HMGN5: variants seen among roughly 807,000 people sequenced by gnomAD.
The protein encoded by HMGN5 is high mobility group nucleosome binding domain 5.
A neutral mutation model predicts 9.5 loss-of-function variants in HMGN5; 4 were observed. The ratio of observed to expected loss-of-function variants is 0.42; its 90% CI spans 0.21 to 0.96. The LOEUF (loss-of-function observed/expected upper bound fraction) is 0.96, where lower values mean the gene tolerates loss of function less well. HMGN5 is among the 40% of genes least tolerant of loss of function. The pLI, the probability that HMGN5 is intolerant of heterozygous loss-of-function variation, is 0.30. For synonymous variants in HMGN5, 55 were observed against 57.1 expected (o/e 0.96, Z 0.16); for missense variants, 192 against 187.5 (o/e 1.02, Z -0.14).
intron 1 of HMGN5, among the ~76,000 whole-genome samples, chrX:81,126,631 T>C (rs758773094): frequency 6.3e-5 from 7 of 111,697 alleles, no homozygotes; most frequent in Non-Finnish European, 9.4e-5. Flanking sequence ...TAAATGTTAT[T>C]TGAAGATTTC....
chrX:81,191,436 G>C (rs1464337712), intron 1 of HMGN5, among the ~76,000 whole-genome samples: 1 of 111,683 alleles, frequency 9.0e-6, no homozygotes, highest in Non-Finnish European at 1.9e-5. Context: ...AGATTAAAGA[G>C]GCTCTTTTTA....
At chrX:81,125,088 T>TTA (rs199775558) in intron 1 of HMGN5, among the ~76,000 whole-genome samples, 5,886 of 108,359 alleles carry the variant, frequency 0.054, 190 homozygotes, top group South Asian at 0.19. Flanking sequence ...TAGTTTAAAA[T>TTA]TATATATATA....
chrX:81,162,599 C>T (rs2075400433), intron 1 of HMGN5, among the ~76,000 whole-genome samples: 1 of 111,360 alleles, frequency 9.0e-6, no homozygotes, highest in Non-Finnish European at 1.9e-5. Context: ...CATGAGAGGG[C>T]CTATGGCAAT....
At chrX:81,173,058 T>C (rs953576186) in intron 1 of HMGN5, among the ~76,000 whole-genome samples, 17 of 111,418 alleles carry the variant, frequency 1.5e-4, no homozygotes, top group Admixed American at 1.1e-3. Flanking sequence ...TGTGTATGCA[T>C]ATATACAAAA....
At chrX:81,173,960 C>G (rs1288370853) in intron 1 of HMGN5, among the ~76,000 whole-genome samples, 1 of 111,201 alleles carries the variant, frequency 9.0e-6, no homozygotes, top group African/African-American at 3.3e-5. Flanking sequence ...ATGATGTGAA[C>G]TCCTGGAGAT....
intron 1 of HMGN5, among the ~76,000 whole-genome samples, chrX:81,168,888 A>G (rs2075418117): frequency 9.0e-6 from 1 of 111,491 alleles, no homozygotes; most frequent in African/African-American, 3.3e-5. Context: ...GGAAAAGTTT[A>G]CAGTTGACTA....
At position 81,128,287 on chromosome X, in the gene HMGN5, T is replaced by C. The variant is rs549430106; in HGVS notation, c.-123-6615A>G. Among the ~76,000 whole-genome samples, 47 of 111,455 alleles carry C rather than the reference T, an allele frequency of 4.2e-4. No individual in the cohort carries two copies. The South Asian group carries it at 0.017, about 41-fold the overall frequency. ...TGAAATGAGTAACAATTCAAGCAAA[T>C]GGACATGCTCAATTCTCACAAATTT... On this transcript the variant is annotated intron_variant, in intron 1 of 6. Transcript: ENST00000358130.
chrX:81,198,213 T>C (rs1170538654), intron 1 of HMGN5, among the ~76,000 whole-genome samples: 1 of 111,735 alleles, frequency 8.9e-6, no homozygotes, highest in Admixed American at 9.5e-5. Flanking sequence ...TTAGGTTTAG[T>C]TCGATAGTCA....
At chrX:81,119,643 A>G in intron 3 of HMGN5, 145 bp downstream of exon 3, 1 of 416,643 alleles carries the variant, frequency 2.4e-6, no homozygotes, top group South Asian at 6.0e-5. Flanking sequence ...ATTCGGATAT[A>G]TATTTTTGAG....
intron 1 of HMGN5, among the ~76,000 whole-genome samples, chrX:81,180,519 A>G (rs1201011443): frequency 8.9e-6 from 1 of 112,301 alleles, no homozygotes; most frequent in Non-Finnish European, 1.9e-5. Flanking sequence ...TGTGCCAGTT[A>G]GAATGACAAT....
chrX:81,196,348 C>T (rs5959838), intron 1 of HMGN5, among the ~76,000 whole-genome samples: 4,880 of 109,145 alleles, frequency 0.045, 291 homozygotes, highest in African/African-American at 0.16. Context: ...GACATTCTTA[C>T]TTTGGAAACG....
Position 81,178,961 on chromosome X carries a change from T to C in HMGN5, c.-124+22776A>G, listed in dbSNP as rs180860667. On this transcript the variant is annotated intron_variant, in intron 1 of 6. Transcript: ENST00000358130. The stretch of plus-strand genomic sequence containing the variant: ...ACCAATGACAAAAACCACATGGTTA[T>C]TTCAATAGATGCAGAAAAGGCCTTC... Among the ~76,000 whole-genome samples the C allele has an allele frequency of 3.3e-3, 367 of 111,931 alleles. 2 individuals carry two copies. The highest frequency in any genetic ancestry group is 0.011 in the African/African-American group (351 of 30,801).
chrX:81,177,362 GAAAGCAAAAAAAAAAA>G (rs1351065505), intron 1 of HMGN5, among the ~76,000 whole-genome samples: 1 of 20,481 alleles, frequency 4.9e-5, no homozygotes, highest in Non-Finnish European at 8.0e-5. Context: ...CAAGCAAATG[GAAAGCAAAAAAAAAAA>G]AAAAAAAAAA....
chrX:81,144,202 T>C (rs915964254), intron 1 of HMGN5, among the ~76,000 whole-genome samples: 2 of 111,357 alleles, frequency 1.8e-5, no homozygotes, highest in African/African-American at 6.5e-5. Flanking sequence ...GTATCCTGAC[T>C]GGAAGACATC....
chrX:81,200,177 C>G (rs753157703), intron 1 of HMGN5, among the ~76,000 whole-genome samples: 1 of 112,190 alleles, frequency 8.9e-6, no homozygotes, highest in East Asian at 2.8e-4. Flanking sequence ...CAATGAAATA[C>G]CATCTCATGC....
At chrX:81,200,829 A>C (rs990303083) in intron 1 of HMGN5, among the ~76,000 whole-genome samples, 1 of 111,566 alleles carries the variant, frequency 9.0e-6, no homozygotes, top group African/African-American at 3.3e-5. Flanking sequence ...CACGTTGTGC[A>C]CATGTACCCT....
intron 1 of HMGN5, among the ~76,000 whole-genome samples, chrX:81,168,690 A>G (rs1238338367): frequency 8.9e-6 from 1 of 111,926 alleles, no homozygotes; most frequent in African/African-American, 3.3e-5. Context: ...CTTACATCCT[A>G]TATAGTGGGG....
rs186772009 is a variant in HMGN5, at chrX:81,201,003, G to A, written c.-124+734C>T. On this transcript the variant is annotated intron_variant, in intron 1 of 6. Transcript: ENST00000358130. ...ACCCACCTCTTGAGGTTGTTTTAAG[G>A]ACAACATGTAAAGAGATTAATTTGG... is the stretch of plus-strand genomic sequence containing the variant. Among the ~76,000 whole-genome samples the A allele has an allele frequency of 3.3e-3, 364 of 111,083 alleles. 2 individuals are homozygous for A. Among genetic ancestry groups the A allele is most frequent in the African/African-American group, 0.011 (348 of 30,547 alleles).
chrX:81,140,233 A>G (rs1361205031), intron 1 of HMGN5, among the ~76,000 whole-genome samples: 1 of 110,848 alleles, frequency 9.0e-6, no homozygotes, highest in African/African-American at 3.3e-5. Flanking sequence ...TTCCAGACAT[A>G]CCTTGAGCCA....
Sources: gnomAD v4.1 joint callset for allele counts (sites outside exome capture counted in the v4.1 genomes callset) on GRCh38, gnomAD v4.1.1 for gene constraint, MANE v1.5 for transcripts, NCBI Gene and HGNC (gene_info 2026-07-23, HGNC 2026-07-21) for gene names.